The following ALPP variants were observed in gnomAD, a reference collection of about 807,000 sequenced individuals.
ALPP encodes the protein alkaline phosphatase, placental.
A neutral mutation model predicts 50.7 loss-of-function variants in ALPP; 39 were observed. The observed-to-expected ratio is 0.77, with a 90% CI of 0.60 to 1.00. ALPP has a LOEUF of 1.00. Ranked by LOEUF, ALPP falls within the 50% of genes least tolerant of loss-of-function variation. The probability of loss-of-function intolerance (pLI) is 0.00; values close to 1 mark genes in which losing one functional copy is unlikely to be tolerated. For missense variants in ALPP, 550 were observed against 746.8 expected (o/e 0.74, Z 3.07); for synonymous variants, 226 against 320.3 (o/e 0.71, Z 3.14).
chr2:232,381,505 G>A lies in ALPP; in HGVS notation c.1318G>A (p.Glu440Lys), dbSNP rs1460531445. ...CTGAACCCTCCAACCAGGGAGCCCC[G>A]AGTATCGGCAGCAGTCAGCAGTGCC... ...DVTESESGSP[E>K]YRQQSAVPLD... Residue 440 changes from glutamate (E) to lysine (K), a missense_variant, in exon 11 of 11, where the codon GAG (glutamate) becomes AAG (lysine). Transcript: ENST00000392027. 1.2e-6 allele frequency: 2 copies of A among 1,613,210 alleles called. No homozygotes were observed. The highest frequency in any genetic ancestry group is 3.3e-5 in the Admixed American group (2 of 59,986).
Position 232,381,671 on chromosome 2 carries a change from C to T in ALPP, c.1484C>T (p.Ala495Val). The T allele has an allele frequency of 6.2e-7, 1 of 1,609,826 alleles. No homozygotes were observed. The highest frequency in any genetic ancestry group is 8.5e-7 in the Non-Finnish European group (1 of 1,178,782). ...AFAACLEPYT[A>V]CDLAPPAGTT... is the part of the protein sequence containing the mutation. ...GCCGCCTGCCTGGAGCCCTACACCG[C>T]CTGCGACCTGGCGCCCCCCGCCGGC... The change falls in exon 11 of 11, where the codon GCC becomes GTC. Residue 495 changes from alanine to valine, a missense_variant. Physicochemically the swap from Ala to Val is moderately conservative, Grantham distance 64. Coordinates refer to ENST00000392027, the MANE Select transcript of ALPP (RefSeq NM_001632.5).
At position 232,382,291 on chromosome 2, in the gene ALPP, A is replaced by C; in HGVS notation, c.*496A>C. 1 of 181,180 alleles carries C rather than the reference A, an allele frequency of 5.5e-6. No individual in the cohort carries two copies. The highest frequency in any genetic ancestry group is 1.1e-5 in the Non-Finnish European group (1 of 87,482). The allele number at this position is 181,180 out of a possible 1,614,324, so 11.2% of individuals were successfully genotyped here. On this transcript the variant is annotated 3_prime_UTR_variant, in exon 11 of 11. Coordinates refer to ENST00000392027, the MANE Select transcript of ALPP (RefSeq NM_001632.5). ...TGGGGATCACCAGGGGGATTTTGAC[A>C]CAGCCTTCGGCTGCCCCCCACTAAG...
chr2:232,379,907 A>G lies in ALPP; in HGVS notation c.628A>G (p.Thr210Ala), dbSNP rs767501476. 7 of 1,612,056 alleles carry G rather than the reference A, an allele frequency of 4.3e-6. No homozygotes were observed. The highest frequency in any genetic ancestry group is 5.9e-6 in the Non-Finnish European group (7 of 1,179,200). The stretch of plus-strand genomic sequence containing the variant: ...CCAGGAGGGGTGCCAGGACATCGCT[A>G]CGCAGCTCATCTCCAACATGGACAT... ...ARQEGCQDIATQLISNMDIDV... is the reference protein window; with the variant it reads ...ARQEGCQDIAAQLISNMDIDV... The change falls in exon 5 of 11, where the codon ACG becomes GCG. Residue 210 changes from threonine to alanine, a missense_variant. Thr to Ala is a moderately conservative substitution (Grantham distance 58). Around this residue, in one of 5 missense-constraint regions of ALPP, gnomAD observed 376 missense variants for 388.5 expected, o/e 0.97. Coordinates refer to ENST00000392027, the MANE Select transcript of ALPP (RefSeq NM_001632.5).
rs1330356698 is a variant in ALPP at position 232,378,871 on chromosome 2, C to T, written c.69C>T (p.Ile23=). 6.2e-7 allele frequency: 1 copy of T among 1,614,058 alleles called. No individual in the cohort carries two copies. The highest frequency in any genetic ancestry group is 8.5e-7 in the Non-Finnish European group (1 of 1,180,022). Reference sequence around the variant, plus strand: ...TGAGGCTACAGCTCTCCCTGGGCATCATCCCAGGTAATGAGGCTCCCCGAG... The same window carrying T: ...TGAGGCTACAGCTCTCCCTGGGCATTATCCCAGGTAATGAGGCTCCCCGAG... The part of the protein sequence containing the change: ...LGLRLQLSLG[I]IPVEEENPDF... Residue 23 remains isoleucine, a synonymous_variant, in exon 1 of 11, where the codon ATC becomes ATT. Transcript: ENST00000392027.
rs541584726 is a variant in ALPP at position 232,382,673 on chromosome 2, C to G, written c.*878C>G. Reference sequence around the variant, plus strand: ...GGTCAGGAGATGGAGACCATCCTGGCTAACACGGTGAAACCCCTTATCTAT... The same window carrying G: ...GGTCAGGAGATGGAGACCATCCTGGGTAACACGGTGAAACCCCTTATCTAT... On this transcript the variant is annotated 3_prime_UTR_variant, in exon 11 of 11. Coordinates refer to ENST00000392027, the MANE Select transcript of ALPP (RefSeq NM_001632.5). 6.6e-6 allele frequency: 1 copy of G among 152,260 alleles called. No individual in the cohort carries two copies. The highest frequency in any genetic ancestry group is 1.9e-4 in the East Asian group (1 of 5,164). 9.4% of individuals were successfully genotyped at this position (152,260 alleles called of 1,614,324 possible).
chr2:232,381,806 C>T lies in ALPP; in HGVS notation c.*11C>T, dbSNP rs1559238697. 1 of 1,555,156 alleles carries T rather than the reference C, an allele frequency of 6.4e-7. No individual in the cohort carries two copies. The highest frequency in any genetic ancestry group is 8.6e-7 in the Non-Finnish European group (1 of 1,156,542). Reference sequence around the variant, plus strand: ...GCCACTGCTCCCTGAGTGTCCCGTCCCTGGGGCTCCTGCTTCCCCATCCCG... The same window carrying T: ...GCCACTGCTCCCTGAGTGTCCCGTCTCTGGGGCTCCTGCTTCCCCATCCCG... On this transcript the variant is annotated 3_prime_UTR_variant, in exon 11 of 11. Transcript: ENST00000392027.
Position 232,378,999 on chromosome 2 carries a change from C to T in ALPP, c.105C>T (p.Asn35=). ...AGGAGGAGAACCCGGACTTCTGGAA[C>T]CGCGAGGCAGCCGAGGCCCTGGGTG... The part of the protein sequence containing the change: ...PVEEENPDFW[N]REAAEALGAA... Residue 35 remains asparagine (N), a synonymous_variant, in exon 2 of 11, where the codon AAC becomes AAT. Transcript: ENST00000392027. 6.2e-7 allele frequency: 1 copy of T among 1,614,148 alleles called. No homozygotes were observed. The highest frequency in any genetic ancestry group is 8.5e-7 in the Non-Finnish European group (1 of 1,180,040).
rs748757935 is a variant in ALPP at position 232,378,756 on chromosome 2, C to G, written c.-47C>G. ...GGCAGCCTGGAGTGCAGCTCATACT[C>G]CATGCCCAGAATTCCTGCCTCGCCA... On this transcript the variant is annotated 5_prime_UTR_variant, in exon 1 of 11. Transcript: ENST00000392027. 1 of 1,602,110 alleles carries G rather than the reference C, an allele frequency of 6.2e-7. No homozygotes were observed. Among genetic ancestry groups the G allele is most frequent in the Admixed American group, 1.7e-5 (1 of 59,136 alleles).
rs141213802 is a variant in ALPP at position 232,379,573 on chromosome 2, G to A, written c.370G>A (p.Gly124Arg). The change falls in exon 4 of 11, where the codon GGG (glycine) becomes AGG (arginine). Residue 124 changes from glycine (G) to arginine (R), a missense_variant. Gly to Arg is a moderately radical substitution (Grantham distance 125). Around this residue, in one of 5 missense-constraint regions of ALPP, gnomAD observed 376 missense variants for 388.5 expected, o/e 0.97. Coordinates refer to ENST00000392027, the MANE Select transcript of ALPP (RefSeq NM_001632.5). ...AGCCACAGCCACGGCCTACCTGTGCGGGGTCAAGGGCAACTTCCAGACCAT... is the reference window on the plus strand; with the variant it reads ...AGCCACAGCCACGGCCTACCTGTGCAGGGTCAAGGGCAACTTCCAGACCAT... ...SGATATAYLCGVKGNFQTIGL... is the reference protein window; with the variant it reads ...SGATATAYLCRVKGNFQTIGL... 2.2e-5 allele frequency: 36 copies of A among 1,614,122 alleles called. 1 individual carries two copies. The highest frequency in any genetic ancestry group is 5.5e-5 in the South Asian group (5 of 91,064).
rs543406164 is a variant in ALPP, at chr2:232,379,744, C to T, written c.485-20C>T. ...AGGTCACAGACGTTGGTCACATATA[C>T]TGACCTCTGACACCCTTAGGGAAGT... On this transcript the variant is annotated intron_variant, in intron 4 of 10. Coordinates refer to ENST00000392027, the MANE Select transcript of ALPP (RefSeq NM_001632.5). 1 of 1,614,016 alleles carries T rather than the reference C, an allele frequency of 6.2e-7. No individual in the cohort carries two copies. Among genetic ancestry groups the T allele is most frequent in the East Asian group, 2.2e-5 (1 of 44,876 alleles).
Position 232,381,679 on chromosome 2 carries a change from C to G in ALPP, c.1492C>G (p.Leu498Val). Residue 498 changes from leucine to valine, a missense_variant, in exon 11 of 11, where the codon CTG becomes GTG. This residue lies in a region of ALPP where 155 missense variants were observed against 167.6 expected (regional missense o/e 0.92). Transcript: ENST00000392027. ...CCTGGAGCCCTACACCGCCTGCGAC[C>G]TGGCGCCCCCCGCCGGCACCACCGA... ...ACLEPYTACD[L>V]APPAGTTDAA... is the part of the protein sequence containing the mutation. 4.4e-6 allele frequency: 7 copies of G among 1,609,178 alleles called. No homozygotes were observed. The highest frequency in any genetic ancestry group is 5.9e-6 in the Non-Finnish European group (7 of 1,178,614).
rs773537802 is a variant in ALPP at position 232,380,257 on chromosome 2, C to A, written c.729C>A (p.Tyr243Ter). The A allele has an allele frequency of 6.2e-7, 1 of 1,614,072 alleles. No homozygotes were observed. The highest frequency in any genetic ancestry group is 8.5e-7 in the Non-Finnish European group (1 of 1,180,000). Residue 243 changes from tyrosine (Y) to a stop codon, truncating the protein, a stop_gained, in exon 6 of 11, where the codon TAC becomes TAA. Transcript: ENST00000392027. LOFTEE classifies it high-confidence loss of function. ...CAGACCCTGAGTACCCAGATGACTA[C>A]AGCCAAGGTGGGACCAGGCTGGACG... ...GTPDPEYPDDYSQGGTRLDGK... is the reference protein window; with the variant it reads ...GTPDPEYPDD
In ALPP at chr2:232,381,950, G is replaced by T; in HGVS notation, c.*155G>T. Reference sequence around the variant, plus strand: ...CCTTCCCCTCCCCGTGCGCTCTGGGGACTGAGCCCATGACACCAAACCTGC... The same window carrying T: ...CCTTCCCCTCCCCGTGCGCTCTGGGTACTGAGCCCATGACACCAAACCTGC... On this transcript the variant is annotated 3_prime_UTR_variant, in exon 11 of 11. Transcript: ENST00000392027. The T allele has an allele frequency of 8.0e-7, 1 of 1,254,808 alleles. No individual in the cohort carries two copies. Among genetic ancestry groups the T allele is most frequent in the Non-Finnish European group, 1.1e-6 (1 of 932,488 alleles). The allele number at this position is 1,254,808 out of a possible 1,614,324, so 77.7% of individuals were successfully genotyped here.
chr2:232,382,198 C>A lies in ALPP; in HGVS notation c.*403C>A, dbSNP rs1049078. 5 of 244,910 alleles carry A rather than the reference C, an allele frequency of 2.0e-5. No individual in the cohort carries two copies. The highest frequency in any genetic ancestry group is 1.4e-3 in the Middle Eastern group (1 of 720). The allele number at this position is 244,910 out of a possible 1,614,324, so 15.2% of individuals were successfully genotyped here. A position where few individuals can be genotyped will look rare whatever the true frequency, so the allele number is the denominator to read the frequency against. ...GAATCACCTGTGGGACTTGAGGACT[C>A]GGGATCTTCAGGACGCCTGGAGAAG... On this transcript the variant is annotated 3_prime_UTR_variant, in exon 11 of 11. Coordinates refer to ENST00000392027, the MANE Select transcript of ALPP (RefSeq NM_001632.5).
Position 232,378,955 on chromosome 2 carries a change from C to G in ALPP, c.77-16C>G, listed in dbSNP as rs761911225. ...CCAGCCCAGGCTGACCTGATTTTTG[C>G]TCTCCCCCTGGCCAGTTGAGGAGGA... On this transcript the variant is annotated splice_polypyrimidine_tract_variant and intron_variant, in intron 1 of 10. Coordinates refer to ENST00000392027, the MANE Select transcript of ALPP (RefSeq NM_001632.5). The G allele has an allele frequency of 1.9e-6, 3 of 1,614,146 alleles. No homozygotes were observed. In the South Asian group the frequency reaches 3.3e-5, roughly 18 times the overall value.
At position 232,379,113 on chromosome 2, in the gene ALPP, T is replaced by C. The variant is rs183200226; in HGVS notation, c.193+26T>C. The C allele has an allele frequency of 1.7e-3, 2,713 of 1,613,716 alleles. 13 individuals are homozygous for C. Among genetic ancestry groups the C allele is most frequent in the Admixed American group, 0.01 (609 of 60,024 alleles). ...GTGAGTGAGCCAGGCCTTCCAGCCCTGCAGCCCTCACAGCCCCGGCGCCCG... is the reference window on the plus strand; with the variant it reads ...GTGAGTGAGCCAGGCCTTCCAGCCCCGCAGCCCTCACAGCCCCGGCGCCCG... On this transcript the variant is annotated intron_variant, in intron 2 of 10. Coordinates refer to ENST00000392027, the MANE Select transcript of ALPP (RefSeq NM_001632.5).
rs371095945 is a variant in ALPP, at chr2:232,379,350, C to G, written c.309+35C>G. ...GGGCTACCTTAGAGTCCTCCAAGCA[C>G]AGAAGGGGAATCCTGGCTATGGAGT... On this transcript the variant is annotated intron_variant, in intron 3 of 10. Coordinates refer to ENST00000392027, the MANE Select transcript of ALPP (RefSeq NM_001632.5). 3.6e-4 allele frequency: 572 copies of G among 1,610,906 alleles called. 1 individual carries two copies. The African/African-American group carries it at 4.0e-3, about 11-fold the overall frequency.
rs1232952264 is a variant in ALPP at position 232,382,028 on chromosome 2, C to A, written c.*233C>A. 11 of 722,006 alleles carry A rather than the reference C, an allele frequency of 1.5e-5. No individual in the cohort carries two copies. Among genetic ancestry groups the A allele is most frequent in the Middle Eastern group, 4.1e-4 (1 of 2,442 alleles). The allele number at this position is 722,006 out of a possible 1,614,324, so 44.7% of individuals were successfully genotyped here. On this transcript the variant is annotated 3_prime_UTR_variant, in exon 11 of 11. Transcript: ENST00000392027. Reference sequence around the variant, plus strand: ...CCAACCCCAGGGACTGCAGGTTGTGCCCTGTGGCTGCCTGCACCCCAGGAA... The same window carrying A: ...CCAACCCCAGGGACTGCAGGTTGTGACCTGTGGCTGCCTGCACCCCAGGAA...
Position 232,379,535 on chromosome 2 carries a change from T to G in ALPP, c.332T>G (p.Val111Gly), listed in dbSNP as rs1559236835. ...CAGACATACAATGTAGACAAACATG[T>G]GCCAGACAGTGGAGCCACAGCCACG... ...LSKTYNVDKH[V>G]PDSGATATAY... The change falls in exon 4 of 11, where the codon GTG (valine) becomes GGG (glycine). Residue 111 changes from valine to glycine, a missense_variant. Physicochemically the swap from Val to Gly is moderately radical, Grantham distance 109. Around this residue, in one of 5 missense-constraint regions of ALPP, gnomAD observed 376 missense variants for 388.5 expected, o/e 0.97. Coordinates refer to ENST00000392027, the MANE Select transcript of ALPP (RefSeq NM_001632.5). 2 of 1,614,032 alleles carry G rather than the reference T, an allele frequency of 1.2e-6. No individual in the cohort carries two copies. The highest frequency in any genetic ancestry group is 1.7e-6 in the Non-Finnish European group (2 of 1,180,030).
Sources: gnomAD v4.1 joint callset for allele counts on GRCh38, gnomAD v4.1.1 for gene constraint, gnomAD v4.1.1 regional missense constraint, MANE v1.5 for transcripts, NCBI Gene and HGNC (gene_info 2026-07-23, HGNC 2026-07-21) for gene names.